The following NCKAP5 variants were observed in gnomAD, a reference collection of about 807,000 sequenced individuals.
The protein encoded by NCKAP5 is NCK associated protein 5, also known as nck-associated protein 5.
NCKAP5 carries 92 observed loss-of-function variants against 167.0 expected under a neutral mutation model. That is an observed-to-expected ratio of 0.55 (90% CI 0.47 to 0.66). The LOEUF is 0.66. Ranked by LOEUF, NCKAP5 falls within the 30% of genes least tolerant of loss-of-function variation. The pLI is 0.00. For synonymous variants in NCKAP5, 891 were observed against 877.4 expected (o/e 1.02, Z -0.27); for missense variants, 2,378 against 2,315.0 (o/e 1.03, Z -0.56).
In NCKAP5 at chr2:133,364,519, C is replaced by G. The variant is rs564736613; in HGVS notation, c.70-61409G>C. Among the ~76,000 whole-genome samples the G allele has an allele frequency of 2.0e-5, 3 of 152,128 alleles. No homozygotes were observed. The East Asian group carries it at 5.8e-4, about 29-fold the overall frequency. On this transcript the variant is annotated intron_variant, in intron 3 of 19. Transcript: ENST00000409261. ...GGTGAGAACCATTTAGTTGTCATTT[C>G]TCCTTAGTTTCCTTCATTCGCTAAC... is the stretch of plus-strand genomic sequence containing the variant.
the NCKAP5 span, among the ~76,000 whole-genome samples, chr2:133,672,685 A>G: frequency 2.0e-5 from 3 of 152,208 alleles, no homozygotes; most frequent in African/African-American, 4.8e-5. Flanking sequence ...GCAGCCATAG[A>G]TAATATATGA....
chr2:133,373,747 G>A (rs1389725809), intron 3 of NCKAP5, among the ~76,000 whole-genome samples: 2 of 152,166 alleles, frequency 1.3e-5, no homozygotes, highest in Non-Finnish European at 2.9e-5. Flanking sequence ...AGAAAGCACA[G>A]AAACAGCACA....
At chr2:132,810,033 T>C (rs1040318960) in intron 11 of NCKAP5, among the ~76,000 whole-genome samples, 1 of 152,232 alleles carries the variant, frequency 6.6e-6, no homozygotes, top group African/African-American at 2.4e-5. Context: ...TATCTTTCCT[T>C]CATATACGAT....
intron 3 of NCKAP5, among the ~76,000 whole-genome samples, chr2:133,340,039 C>T (rs1322950470): frequency 6.6e-6 from 1 of 152,304 alleles, no homozygotes; most frequent in East Asian, 1.9e-4. Context: ...CCTACAGACA[C>T]TCTCTTCACT....
intron 2 of NCKAP5, among the ~76,000 whole-genome samples, chr2:133,535,440 C>T (rs1475304415): frequency 2.0e-5 from 3 of 151,982 alleles, no homozygotes; most frequent in Non-Finnish European, 4.4e-5. Context: ...TCCTCCATTT[C>T]CATCCTTATT....
chr2:132,952,926 C>T (rs1404645275), intron 8 of NCKAP5, among the ~76,000 whole-genome samples: 2 of 152,138 alleles, frequency 1.3e-5, no homozygotes, highest in Non-Finnish European at 2.9e-5. Flanking sequence ...ATTGAAGCAC[C>T]ACGAGGAGCT....
rs531981624 is a variant in NCKAP5, at chr2:133,168,544, TC to T, written c.208-38434del. Among the ~76,000 whole-genome samples, 74 of 152,134 alleles carry T rather than the reference TC, an allele frequency of 4.9e-4. 1 individual carries two copies. The highest frequency in any genetic ancestry group is 1.7e-3 in the African/African-American group (71 of 41,510). On this transcript the variant is annotated intron_variant, in intron 5 of 19. Transcript: ENST00000409261. ...AGTCCTTCCCAGTATCCAGCTCCCT[TC>T]CGCTTTGCCTGCTTGACTTTCTAGA...
the NCKAP5 span, among the ~76,000 whole-genome samples, chr2:133,623,892 C>T: frequency 9.2e-5 from 14 of 152,176 alleles, no homozygotes; most frequent in African/African-American, 3.1e-4. Context: ...GGAACCAGCC[C>T]AAACGTTCAT....
At chr2:132,995,508 G>C (rs1264852175) in intron 6 of NCKAP5, among the ~76,000 whole-genome samples, 1 of 151,820 alleles carries the variant, frequency 6.6e-6, no homozygotes, top group African/African-American at 2.4e-5. Flanking sequence ...AAAATTAGCT[G>C]GGTGTGGTGG....
intron 11 of NCKAP5, among the ~76,000 whole-genome samples, chr2:132,827,898 A>G (rs1211021469): frequency 1.3e-5 from 2 of 152,178 alleles, no homozygotes; most frequent in African/African-American, 2.4e-5. Flanking sequence ...AGCCCTTACA[A>G]GGCCAATGGT....
At chr2:133,430,620 T>C (rs1690097957) in intron 3 of NCKAP5, among the ~76,000 whole-genome samples, 4 of 152,202 alleles carry the variant, frequency 2.6e-5, no homozygotes, top group Admixed American at 2.6e-4. Flanking sequence ...CACCATTTAT[T>C]GAATAGGGAG....
intron 19 of NCKAP5, among the ~76,000 whole-genome samples, chr2:132,712,425 G>A (rs1022408132): frequency 6.6e-6 from 1 of 152,152 alleles, no homozygotes; most frequent in African/African-American, 2.4e-5. Flanking sequence ...GCCAAGGGGG[G>A]CGGATCATGA....
At chr2:132,763,894 C>T (rs1239993926) in intron 16 of NCKAP5, among the ~76,000 whole-genome samples, 1 of 152,156 alleles carries the variant, frequency 6.6e-6, no homozygotes, top group African/African-American at 2.4e-5. Context: ...GAAGCTGATA[C>T]AGGGCATAGT....
At chr2:132,811,131 C>T (rs1462236391) in intron 11 of NCKAP5, among the ~76,000 whole-genome samples, 1 of 152,130 alleles carries the variant, frequency 6.6e-6, no homozygotes, top group African/African-American at 2.4e-5. Context: ...GTCTATGGGT[C>T]TCTCAGCCAT....
At chr2:133,413,481 T>G (rs1688904121) in intron 3 of NCKAP5, among the ~76,000 whole-genome samples, 1 of 152,050 alleles carries the variant, frequency 6.6e-6, no homozygotes, top group Non-Finnish European at 1.5e-5. Context: ...AATGTCCTAG[T>G]GGTGATATAC....
At chr2:132,817,340 C>T (rs531045264) in intron 11 of NCKAP5, among the ~76,000 whole-genome samples, 10 of 152,246 alleles carry the variant, frequency 6.6e-5, no homozygotes, top group South Asian at 2.1e-4. Context: ...TTCTTTCTCA[C>T]GGCTGCCATA....
chr2:132,965,624 T>C (rs775098092), intron 7 of NCKAP5, among the ~76,000 whole-genome samples: 1 of 152,136 alleles, frequency 6.6e-6, no homozygotes, highest in Non-Finnish European at 1.5e-5. Context: ...CATACACATA[T>C]ACACAGTCAC....
At chr2:133,142,269 C>T (rs1490792180) in intron 5 of NCKAP5, among the ~76,000 whole-genome samples, 2 of 152,064 alleles carry the variant, frequency 1.3e-5, no homozygotes, top group Non-Finnish European at 2.9e-5. Context: ...TCTCAATGAT[C>T]GACACAGTCA....
At chr2:133,498,125 A>G (rs1575062672) in intron 3 of NCKAP5, among the ~76,000 whole-genome samples, 1 of 152,176 alleles carries the variant, frequency 6.6e-6, no homozygotes. Context: ...AAAGATATCC[A>G]TAAGGAACAT....
Sources: allele counts gnomAD v4.1 joint callset (sites outside exome capture counted in the v4.1 genomes callset), GRCh38; gene constraint gnomAD v4.1.1; transcripts MANE v1.5; gene names NCBI Gene and HGNC (gene_info 2026-07-23, HGNC 2026-07-21).